ZNF138: variants seen among roughly 807,000 people sequenced by gnomAD.
ZNF138 encodes zinc finger protein 138.
A neutral mutation model predicts 33.0 loss-of-function variants in ZNF138; 33 were observed. That is an observed-to-expected ratio of 1.00 (90% confidence interval 0.76 to 1.34). The LOEUF is 1.34. Ranked by LOEUF, ZNF138 falls within the 40% of genes most tolerant of loss-of-function variation. ZNF138 has a pLI of 0.00. For synonymous variants in ZNF138, 139 were observed against 120.4 expected (o/e 1.15, Z -1.01); for missense variants, 360 against 370.8 (o/e 0.97, Z 0.24).
At chr7:64,829,695 A>G (rs561243060) in intron 3 of ZNF138, among the ~76,000 whole-genome samples, 1 of 151,102 alleles carries the variant, frequency 6.6e-6, no homozygotes, top group Non-Finnish European at 1.5e-5. Context: ...GTTTATAAAA[A>G]TTTTTATGCT....
intron 1 of ZNF138, among the ~76,000 whole-genome samples, chr7:64,799,830 G>A (rs772533140): frequency 6.6e-6 from 1 of 151,880 alleles, no homozygotes; most frequent in South Asian, 2.1e-4. Flanking sequence ...TAGGAGAGAC[G>A]GGGTTTCACC....
In ZNF138 at chr7:64,814,924, C is replaced by A. The variant is rs764181042; in HGVS notation, c.10C>A (p.Leu4Met). The A allele has an allele frequency of 6.2e-7, 1 of 1,612,846 alleles. No individual in the cohort carries two copies. The highest frequency in any genetic ancestry group is 1.7e-5 in the Admixed American group (1 of 59,930). MGP[L>M]TFMDVAIEFS... ...GTGTGTGCGTGTTTTTCAGGGACCA[C>A]TGACATTTATGGATGTGGCCATAGA... The change falls in exon 2 of 4, where the codon CTG (leucine) becomes ATG (methionine). Residue 4 changes from leucine (L) to methionine (M), a missense_variant. Physicochemically the swap from Leu to Met is conservative, Grantham distance 15. Coordinates refer to ENST00000307355, the MANE Select transcript of ZNF138 (RefSeq NM_001271639.2).
chr7:64,803,005 T>C (rs1465222763), intron 1 of ZNF138, among the ~76,000 whole-genome samples: 1 of 152,172 alleles, frequency 6.6e-6, no homozygotes, highest in African/African-American at 2.4e-5. Context: ...AATTGTGTAC[T>C]TCTCAATATC....
intron 1 of ZNF138, among the ~76,000 whole-genome samples, chr7:64,797,602 C>T (rs1211244009): frequency 6.6e-6 from 1 of 152,064 alleles, no homozygotes; most frequent in African/African-American, 2.4e-5. Context: ...CATGGAAGAA[C>T]CTTTATACTG....
intron 1 of ZNF138, among the ~76,000 whole-genome samples, chr7:64,803,035 A>G (rs1172746580): frequency 6.6e-6 from 1 of 152,234 alleles, no homozygotes; most frequent in East Asian, 1.9e-4. Flanking sequence ...GAGAAAATAT[A>G]AATTAGAAAT....
the ZNF138 span, among the ~76,000 whole-genome samples, chr7:64,843,664 T>C: frequency 6.7e-6 from 1 of 149,214 alleles, no homozygotes; most frequent in Non-Finnish European, 1.5e-5. Flanking sequence ...TTTTTGATAT[T>C]AACCCCTTGT....
At chr7:64,843,903 C>A in the ZNF138 span, among the ~76,000 whole-genome samples, 1 of 152,024 alleles carries the variant, frequency 6.6e-6, no homozygotes, top group African/African-American at 2.4e-5. Flanking sequence ...TGGCTCACTG[C>A]GTCCTTCACC....
chr7:64,848,300 C>T, the ZNF138 span, among the ~76,000 whole-genome samples: 1 of 152,108 alleles, frequency 6.6e-6, no homozygotes, highest in African/African-American at 2.4e-5. Flanking sequence ...GGTTTGCTCA[C>T]TTAAAATCAT....
the ZNF138 span, among the ~76,000 whole-genome samples, chr7:64,838,915 A>G: frequency 6.6e-6 from 1 of 152,244 alleles, no homozygotes; most frequent in Non-Finnish European, 1.5e-5. Flanking sequence ...GGAAGCAGGT[A>G]GTAAGATGGC....
Position 64,815,005 on chromosome 7 carries a change from C to CA in ZNF138, c.92dup (p.His31GlnfsTer32). ...CACTGCACAGCGGAATGTATATAGG[C>CA]ATGTGATGTTAGAGAACTACAGAAA... is the stretch of plus-strand genomic sequence containing the variant. On this transcript the variant is annotated frameshift_variant, in exon 2 of 4. Coordinates refer to ENST00000307355, the MANE Select transcript of ZNF138 (RefSeq NM_001271639.2). LOFTEE classifies it high-confidence loss of function. 1 of 1,612,016 alleles carries CA rather than the reference C, an allele frequency of 6.2e-7. No individual in the cohort carries two copies. Among genetic ancestry groups the CA allele is most frequent in the Non-Finnish European group, 8.5e-7 (1 of 1,179,094 alleles).
chr7:64,831,544 G>A lies in ZNF138; in HGVS notation c.302G>A (p.Gly101Glu), dbSNP rs746008854. 1.2e-6 allele frequency: 2 copies of A among 1,613,452 alleles called. No individual in the cohort carries two copies. The highest frequency in any genetic ancestry group is 1.7e-6 in the Non-Finnish European group (2 of 1,179,778). ...ACACTGAGCAGATATGGAAAATATG[G>A]ACATAAGAATTTACAGTTAAGAAAA... ...KVTLSRYGKY[G>E]HKNLQLRKGC... Residue 101 changes from glycine (G) to glutamate (E), a missense_variant, in exon 4 of 4, where the codon GGA becomes GAA. Gly to Glu is a moderately conservative substitution (Grantham distance 98, BLOSUM62 -2). Transcript: ENST00000307355.
chr7:64,844,580 C>T, the ZNF138 span, among the ~76,000 whole-genome samples: 2 of 125,028 alleles, frequency 1.6e-5, no homozygotes, highest in Non-Finnish European at 3.3e-5. Context: ...CCTGAGGTCC[C>T]TTTCACTCTT....
At chr7:64,795,181 T>TGGC (rs1388625183) in intron 1 of ZNF138, among the ~76,000 whole-genome samples, 2 of 152,200 alleles carry the variant, frequency 1.3e-5, no homozygotes, top group Non-Finnish European at 2.9e-5. Flanking sequence ...AGAGGTTAAT[T>TGGC]GGCAGTTTAC....
rs193182393 is a variant in ZNF138, at chr7:64,831,783, C to A, written c.541C>A (p.Arg181Ser). The change falls in exon 4 of 4, where the codon CGC (arginine) becomes AGC (serine). Residue 181 changes from arginine to serine, a missense_variant. Transcript: ENST00000307355. ...ECDKSLCMLS[R>S]LTQHKKIHTR... ...TGACAAATCACTTTGCATGCTTTCA[C>A]GCCTAACTCAACATAAAAAAATTCA... is the stretch of plus-strand genomic sequence containing the variant. The A allele has an allele frequency of 1.9e-6, 3 of 1,613,426 alleles. No homozygotes were observed. Among genetic ancestry groups the A allele is most frequent in the Non-Finnish European group, 2.5e-6 (3 of 1,179,890 alleles).
rs571024991 is a variant in ZNF138, at chr7:64,798,731, T to C, written c.3+4160T>C. On this transcript the variant is annotated intron_variant, in intron 1 of 3. Coordinates refer to ENST00000307355, the MANE Select transcript of ZNF138 (RefSeq NM_001271639.2). Reference sequence around the variant, plus strand: ...AGGCGGAGGTTGTGGTGAGCCGAGATTGAGCCATTGCACTCCAGCCTGGGC... The same window carrying C: ...AGGCGGAGGTTGTGGTGAGCCGAGACTGAGCCATTGCACTCCAGCCTGGGC... Among the ~76,000 whole-genome samples, 394 of 151,426 alleles carry C rather than the reference T, an allele frequency of 2.6e-3. 6 individuals carry two copies. The highest frequency in any genetic ancestry group is 9.1e-3 in the African/African-American group (377 of 41,236).
At chr7:64,824,756 T>C (rs7779988) in intron 3 of ZNF138, among the ~76,000 whole-genome samples, 14,032 of 152,210 alleles carry the variant, frequency 0.092, 793 homozygotes, top group East Asian at 0.26. Flanking sequence ...AAGCATATTA[T>C]GTTTAATATA....
chr7:64,838,214 G>C (rs2129018633), downstream of ZNF138, among the ~76,000 whole-genome samples: 1 of 152,324 alleles, frequency 6.6e-6, no homozygotes, highest in East Asian at 1.9e-4. Context: ...CATCCGAGGA[G>C]GGGTCGCCAT....
At chr7:64,795,556 TAATC>T (rs541102765) in intron 1 of ZNF138, among the ~76,000 whole-genome samples, 151 of 152,358 alleles carry the variant, frequency 9.9e-4, no homozygotes, top group African/African-American at 3.4e-3. Context: ...GTATTTTAAT[TAATC>T]ATTTTTTGAC....
At chr7:64,852,969 T>C in the ZNF138 span, 1 of 1,400,106 alleles carries the variant, frequency 7.1e-7, no homozygotes, top group Non-Finnish European at 1.0e-6. Flanking sequence ...TTGGTCATTT[T>C]ATTACTGACT....
Sources: gnomAD v4.1 joint callset for allele counts (sites outside exome capture counted in the v4.1 genomes callset) on GRCh38, gnomAD v4.1.1 for gene constraint, MANE v1.5 for transcripts, NCBI Gene and HGNC (gene_info 2026-07-23, HGNC 2026-07-21) for gene names.